Variants in LAMA2 observed in about 807,000 individuals in gnomAD.
LAMA2 encodes the protein laminin subunit alpha-2.
In LAMA2, 269 loss-of-function variants were observed where a neutral mutation model predicts 364.8. The observed-to-expected ratio is 0.74, with a 90% confidence interval of 0.67 to 0.82. The LOEUF (loss-of-function observed/expected upper bound fraction) is 0.82. Among genes scored for constraint, LAMA2 ranks in the 40% least tolerant of loss-of-function variants. The pLI is 0.00. For synonymous variants in LAMA2, 1,379 were observed against 1,370.6 expected (o/e 1.01, Z -0.14); for missense variants, 3,807 against 3,873.2 (o/e 0.98, Z 0.45).
chr6:129,116,708 A>T (rs1385211690), intron 4 of LAMA2, among the ~76,000 whole-genome samples: 1 of 152,148 alleles, frequency 6.6e-6, no homozygotes, highest in East Asian at 1.9e-4. Flanking sequence ...ACATTTATTT[A>T]TTCTGAAAAC....
At chr6:129,140,921 T>C (rs1038985028) in intron 4 of LAMA2, among the ~76,000 whole-genome samples, 1 of 152,084 alleles carries the variant, frequency 6.6e-6, no homozygotes, top group Non-Finnish European at 1.5e-5. Context: ...TTCATGTAGC[T>C]ATCACACGGT....
chr6:129,242,885 AG>A (rs1049815337), intron 12 of LAMA2, among the ~76,000 whole-genome samples: 5 of 152,134 alleles, frequency 3.3e-5, no homozygotes, highest in African/African-American at 9.6e-5. Flanking sequence ...GAAAACTTAA[AG>A]GAAACATTAA....
chr6:129,478,658 A>G, intron 53 of LAMA2, 35 bp from the exon 54 acceptor site: 2 of 1,610,850 alleles, frequency 1.2e-6, no homozygotes, highest in Non-Finnish European at 1.7e-6. Context: ...CACCCTAATG[A>G]TATTGCTTTT....
chr6:129,378,887 G>A (rs548887117), intron 34 of LAMA2, among the ~76,000 whole-genome samples: 78 of 152,154 alleles, frequency 5.1e-4, no homozygotes, highest in Non-Finnish European at 1.0e-3. Flanking sequence ...CGAGAGTGCT[G>A]TAAGCCTTTG....
chr6:129,297,917 C>G, intron 21 of LAMA2, 52 bp downstream of exon 21: 1 of 1,465,964 alleles, frequency 6.8e-7, no homozygotes, highest in Non-Finnish European at 9.5e-7. Flanking sequence ...GTTTTAGGGT[C>G]TGACTTCTGT....
chr6:129,291,895 T>C (rs1005277146), intron 20 of LAMA2, among the ~76,000 whole-genome samples, 175 bp downstream of exon 20: 2 of 152,114 alleles, frequency 1.3e-5, no homozygotes, highest in African/African-American at 4.8e-5. Flanking sequence ...ACAAAATTCA[T>C]TGTACATTAC....
intron 27 of LAMA2, among the ~76,000 whole-genome samples, chr6:129,318,656 T>A (rs963778104): frequency 2.0e-5 from 3 of 152,128 alleles, no homozygotes; most frequent in African/African-American, 7.2e-5. Context: ...AGTGGTTTGC[T>A]TACAGCTCAC....
At chr6:129,149,367 C>G (rs1778662917) in intron 7 of LAMA2, among the ~76,000 whole-genome samples, 1 of 151,986 alleles carries the variant, frequency 6.6e-6, no homozygotes, top group Non-Finnish European at 1.5e-5. Context: ...TTTTCTCAAC[C>G]CAAGAAAAGA....
intron 4 of LAMA2, among the ~76,000 whole-genome samples, chr6:129,137,964 T>A (rs936295063): frequency 7.2e-5 from 11 of 151,980 alleles, no homozygotes; most frequent in Admixed American, 5.3e-4. Context: ...AGACAGTCCA[T>A]GGAGGTATTT....
intron 30 of LAMA2, among the ~76,000 whole-genome samples, chr6:129,348,380 C>T (rs1776676014): frequency 6.6e-6 from 1 of 151,944 alleles, no homozygotes; most frequent in Non-Finnish European, 1.5e-5. Context: ...AGTGAAGCAG[C>T]AAAAAGAAAA....
intron 1 of LAMA2, among the ~76,000 whole-genome samples, chr6:129,041,195 A>G (rs935235395): frequency 6.6e-6 from 1 of 152,226 alleles, no homozygotes; most frequent in African/African-American, 2.4e-5. Context: ...CTGAAGCCTA[A>G]GGAAGCAGCC....
intron 1 of LAMA2, among the ~76,000 whole-genome samples, chr6:128,987,162 A>G (rs536227135): frequency 0.011 from 1,225 of 114,002 alleles, 16 homozygotes; most frequent in African/African-American, 0.033. Context: ...TTTTTGAGGC[A>G]GAGTCTCTCT....
chr6:129,351,383 A>G (rs547894597), intron 31 of LAMA2, among the ~76,000 whole-genome samples: 1 of 152,304 alleles, frequency 6.6e-6, no homozygotes, highest in East Asian at 1.9e-4. Context: ...TAGCATAGAG[A>G]TGAGCAGGGC....
chr6:129,041,320 C>T (rs1787077081), intron 1 of LAMA2, among the ~76,000 whole-genome samples: 1 of 152,146 alleles, frequency 6.6e-6, no homozygotes, highest in Non-Finnish European at 1.5e-5. Flanking sequence ...CAAAGTTCTT[C>T]ATTTATATGA....
intron 1 of LAMA2, among the ~76,000 whole-genome samples, chr6:128,904,251 T>A (rs1777274641): frequency 6.6e-6 from 1 of 152,134 alleles, no homozygotes; most frequent in Admixed American, 6.5e-5. Context: ...AGTCTTACTT[T>A]TAGCTTGGTT....
intron 9 of LAMA2, among the ~76,000 whole-genome samples, chr6:129,174,127 T>A (rs1197980725): frequency 6.6e-6 from 1 of 152,032 alleles, no homozygotes; most frequent in Non-Finnish European, 1.5e-5. Flanking sequence ...TATATTTTGA[T>A]TTTTTTGTGT....
chr6:129,353,075 T>G, intron 31 of LAMA2, 89 bp from the exon 32 acceptor site: 2 of 948,926 alleles, frequency 2.1e-6, no homozygotes, highest in Non-Finnish European at 3.2e-6. Context: ...GCTATCAGTT[T>G]TGTTGCATCA....
At chr6:129,351,422 AGT>A (rs1001032186) in intron 31 of LAMA2, among the ~76,000 whole-genome samples, 1 of 152,182 alleles carries the variant, frequency 6.6e-6, no homozygotes, top group African/African-American at 2.4e-5. Context: ...AGTGACTTAA[AGT>A]GTTTTTCCAG....
At chr6:128,883,799 TATACAC>T (rs1239293501) in intron 1 of LAMA2, among the ~76,000 whole-genome samples, 1,365 of 135,372 alleles carry the variant, frequency 0.01, 25 homozygotes, top group African/African-American at 0.036. Flanking sequence ...TATATATATA[TATACAC>T]ACACACACAC....
Sources: allele counts gnomAD v4.1 joint callset (sites outside exome capture counted in the v4.1 genomes callset), GRCh38; gene constraint gnomAD v4.1.1; transcripts MANE v1.5; gene names NCBI Gene and HGNC (gene_info 2026-07-23, HGNC 2026-07-21).